Variants in PCNX2 observed in about 807,000 individuals in gnomAD.
The protein encoded by PCNX2 is pecanex 2.
PCNX2 carries 168 observed loss-of-function variants against 223.8 expected under a neutral mutation model. The observed-to-expected ratio is 0.75, with a 90% CI of 0.66 to 0.85. The LOEUF (loss-of-function observed/expected upper bound fraction) is 0.85, where lower values mean the gene tolerates loss of function less well. PCNX2 is among the 40% of genes least tolerant of loss of function. The pLI is 0.00. For missense variants in PCNX2, 2,507 were observed against 2,675.5 expected, an observed-to-expected ratio of 0.94 and a Z score of 1.39; for synonymous variants, 1,006 against 1,052.6, an observed-to-expected ratio of 0.96 and a Z score of 0.86.
At chr1:233,262,267 T>C (rs1045306289) in intron 2 of PCNX2, 102 bp from the exon 3 acceptor site, 1 of 1,406,448 alleles carries the variant, frequency 7.1e-7, no homozygotes. Flanking sequence ...AGAGTCCATT[T>C]TGTTATATTC....
intron 10 of PCNX2, among the ~76,000 whole-genome samples, chr1:233,219,567 GT>G (rs1275298267): frequency 1.3e-5 from 2 of 151,944 alleles, no homozygotes; most frequent in African/African-American, 4.8e-5. Context: ...AGCTGATATT[GT>G]TTTTTAGACA....
intron 1 of PCNX2, among the ~76,000 whole-genome samples, chr1:233,285,583 G>A (rs1486752585): frequency 1.3e-5 from 2 of 152,176 alleles, no homozygotes; most frequent in East Asian, 1.9e-4. Context: ...GCTGAGGTAG[G>A]AGAATTGCTT....
At chr1:233,037,847 A>C (rs912702630) in intron 25 of PCNX2, among the ~76,000 whole-genome samples, 2 of 152,234 alleles carry the variant, frequency 1.3e-5, no homozygotes, top group Non-Finnish European at 2.9e-5. Context: ...CTGGCAAGCC[A>C]GATTTTAAAT....
chr1:233,069,761 C>G (rs1281674543), intron 23 of PCNX2, among the ~76,000 whole-genome samples: 1 of 151,940 alleles, frequency 6.6e-6, no homozygotes, highest in Admixed American at 6.6e-5. Context: ...AAGACAAATT[C>G]ACACCACTAA....
rs1197584589 is a variant in PCNX2 at position 232,984,310 on chromosome 1, C to T, written c.6408G>A (p.Glu2136=). 1.2e-5 allele frequency: 20 copies of T among 1,604,020 alleles called. No homozygotes were observed. The highest frequency in any genetic ancestry group is 1.7e-5 in the Admixed American group (1 of 59,068). ...CCGCCCGGCCGCACGCCCGTCACTG[C>T]TCGTCTGACACACTTTGCTGCGAGG... The part of the protein sequence containing the change: ...DTASQQSVSD[E]Q Residue 2136 remains glutamate (E), a synonymous_variant, in exon 34 of 34, where the codon GAG becomes GAA. Transcript: ENST00000258229.
At chr1:233,083,107 G>A (rs1375376698) in intron 23 of PCNX2, among the ~76,000 whole-genome samples, 1 of 152,210 alleles carries the variant, frequency 6.6e-6, no homozygotes, top group East Asian at 1.9e-4. Flanking sequence ...AGGCATGAAT[G>A]ATAGCAGGAC....
At chr1:233,223,510 A>G (rs982689242) in intron 10 of PCNX2, among the ~76,000 whole-genome samples, 1 of 152,162 alleles carries the variant, frequency 6.6e-6, no homozygotes, top group Non-Finnish European at 1.5e-5. Context: ...TTTTTTACAT[A>G]GGTATACATG....
At chr1:233,023,284 C>A (rs186501453) in intron 26 of PCNX2, among the ~76,000 whole-genome samples, 1 of 152,222 alleles carries the variant, frequency 6.6e-6, no homozygotes, top group Non-Finnish European at 1.5e-5. Flanking sequence ...CTTCTGTGAA[C>A]ACACGATTTC....
chr1:233,072,321 A>G (rs1672892771), intron 23 of PCNX2, among the ~76,000 whole-genome samples: 3 of 152,154 alleles, frequency 2.0e-5, no homozygotes, highest in Admixed American at 2.0e-4. Context: ...ATATTTGCAT[A>G]TGGTGTAAGG....
chr1:233,297,333 T>C (rs934053436), upstream of PCNX2, among the ~76,000 whole-genome samples: 3 of 152,186 alleles, frequency 2.0e-5, no homozygotes, highest in African/African-American at 7.2e-5. Context: ...AAGTCAAATA[T>C]AGTCCCTACC....
intron 19 of PCNX2, among the ~76,000 whole-genome samples, chr1:233,141,781 G>A (rs1349715582): frequency 6.7e-6 from 1 of 150,344 alleles, no homozygotes; most frequent in African/African-American, 2.5e-5. Flanking sequence ...ATATGTGTGT[G>A]TGTGTGTGTG....
chr1:233,155,596 T>C (rs1678072624), intron 19 of PCNX2, among the ~76,000 whole-genome samples: 1 of 152,202 alleles, frequency 6.6e-6, no homozygotes, highest in African/African-American at 2.4e-5. Flanking sequence ...ATGGTAAGAG[T>C]ACAGTCATCA....
chr1:233,157,680 G>A (rs1453924627), intron 19 of PCNX2, among the ~76,000 whole-genome samples: 1 of 152,136 alleles, frequency 6.6e-6, no homozygotes. Flanking sequence ...AAAATGAAGA[G>A]TCAAAACCTA....
intron 25 of PCNX2, among the ~76,000 whole-genome samples, chr1:233,042,132 C>A (rs1671665135): frequency 6.6e-6 from 1 of 152,182 alleles, no homozygotes; most frequent in African/African-American, 2.4e-5. Flanking sequence ...CCAAGTATTT[C>A]AAATAAAGAA....
rs902999605 is a variant in PCNX2 at position 233,057,369 on chromosome 1, A to G, written c.4077-79T>C. 5 of 1,125,128 alleles carry G rather than the reference A, an allele frequency of 4.4e-6. No homozygotes were observed. The African/African-American group carries it at 4.6e-5, about 10-fold the overall frequency. 69.7% of individuals were successfully genotyped at this position (1,125,128 alleles called of 1,614,324 possible). ...AGAGTTGGTTTATAGAACCAGCTGC[A>G]TGAGTGGAAAATGCAAAGGTGACAG... On this transcript the variant is annotated intron_variant, in intron 23 of 33. Coordinates refer to ENST00000258229, the MANE Select transcript of PCNX2 (RefSeq NM_014801.4).
chr1:233,158,963 T>C (rs530469164), intron 19 of PCNX2, among the ~76,000 whole-genome samples: 11 of 152,324 alleles, frequency 7.2e-5, no homozygotes, highest in African/African-American at 2.6e-4. Context: ...ATACAAACCA[T>C]TATAGATGGA....
At chr1:232,992,308 G>T (rs937899067) in intron 32 of PCNX2, among the ~76,000 whole-genome samples, 1 of 152,192 alleles carries the variant, frequency 6.6e-6, no homozygotes, top group South Asian at 2.1e-4. Context: ...AGAAAGTAAA[G>T]GAGCCCCTGC....
intron 25 of PCNX2, among the ~76,000 whole-genome samples, chr1:233,052,179 A>G (rs1056369363): frequency 2.6e-5 from 4 of 152,220 alleles, no homozygotes; most frequent in Non-Finnish European, 4.4e-5. Context: ...ACTCTAGAAA[A>G]AAAATATTTC....
intron 9 of PCNX2, among the ~76,000 whole-genome samples, chr1:233,229,917 G>A (rs2102950241): frequency 6.6e-6 from 1 of 152,222 alleles, no homozygotes; most frequent in African/African-American, 2.4e-5. Context: ...GAAGCCCAGA[G>A]TTACATGTTT....
Sources: allele counts gnomAD v4.1 joint callset (sites outside exome capture counted in the v4.1 genomes callset), GRCh38; gene constraint gnomAD v4.1.1; transcripts MANE v1.5; gene names NCBI Gene and HGNC (gene_info 2026-07-23, HGNC 2026-07-21).